CDON: variants seen among roughly 807,000 people sequenced by gnomAD.
CDON encodes the protein cell adhesion associated, oncogene regulated, also known as cell adhesion molecule-related/down-regulated by oncogenes.
CDON carries 73 observed loss-of-function variants against 120.9 expected under a neutral mutation model. The observed-to-expected ratio is 0.60, with a 90% CI of 0.50 to 0.73. The LOEUF is 0.73. Ranked by LOEUF, CDON falls within the 30% of genes least tolerant of loss-of-function variation. The pLI is 0.00. For synonymous variants in CDON, 566 were observed against 573.5 expected (o/e 0.99, Z 0.19); for missense variants, 1,470 against 1,587.3 (o/e 0.93, Z 1.26).
intron 1 of CDON, among the ~76,000 whole-genome samples, chr11:126,046,111 C>T (rs1162847358): frequency 1.3e-5 from 2 of 152,130 alleles, no homozygotes; most frequent in Non-Finnish European, 2.9e-5. Context: ...TAGCTGTTTC[C>T]TTGATCACAC....
intron 1 of CDON, among the ~76,000 whole-genome samples, chr11:126,045,305 C>A (rs1948377619): frequency 6.6e-6 from 1 of 152,206 alleles, no homozygotes; most frequent in African/African-American, 2.4e-5. Context: ...GGATTACAGG[C>A]GTGAGCCAGC....
rs1429327633 is a variant in CDON at position 126,005,901 on chromosome 11, T to A, written c.1709A>T (p.Asn570Ile). 2 of 1,613,860 alleles carry A rather than the reference T, an allele frequency of 1.2e-6. No homozygotes were observed. Among genetic ancestry groups the A allele is most frequent in the South Asian group, 2.2e-5 (2 of 91,056 alleles). ...PSAVESAPEK[N>I]ASGISVPDAP... The stretch of plus-strand genomic sequence containing the variant: ...ATCAGGAACAGAGATGCCGCTGGCG[T>A]TTTTCTCTGGTGCTGATTCCACTGC... Residue 570 changes from asparagine (N) to isoleucine (I), a missense_variant, in exon 9 of 20, where the codon AAC becomes ATC. By Grantham distance (149) the Asn-to-Ile change is moderately radical (BLOSUM62 -3). Transcript: ENST00000531738.
chr11:126,052,006 A>T (rs1044032684), intron 1 of CDON, among the ~76,000 whole-genome samples: 1 of 152,134 alleles, frequency 6.6e-6, no homozygotes, highest in African/African-American at 2.4e-5. Context: ...CATAACATCA[A>T]TTGTGTTTGC....
At position 126,040,243 on chromosome 11, in the gene CDON, T is replaced by C. The variant is rs1409469807; in HGVS notation, c.-61-16706A>G. On this transcript the variant is annotated intron_variant, in intron 1 of 19. Transcript: ENST00000531738. ...GTGAATCTAAAATTGCTCTAAAAAATAACTTTTTAAAAAATTTCTAGAGGA... is the reference window on the plus strand; with the variant it reads ...GTGAATCTAAAATTGCTCTAAAAAACAACTTTTTAAAAAATTTCTAGAGGA... 2.0e-5 allele frequency among the ~76,000 whole-genome samples: 3 copies of C among 152,296 alleles called. No homozygotes were observed. The East Asian group carries it at 5.8e-4, about 29-fold the overall frequency.
At chr11:126,020,181 T>C (rs1278166791) in intron 3 of CDON, among the ~76,000 whole-genome samples, 1 of 152,206 alleles carries the variant, frequency 6.6e-6, no homozygotes, top group Non-Finnish European at 1.5e-5. Flanking sequence ...AAACTGCTCC[T>C]AAGACATCTA....
chr11:126,048,000 G>A (rs1216208815), intron 1 of CDON, among the ~76,000 whole-genome samples: 5 of 152,258 alleles, frequency 3.3e-5, no homozygotes, highest in East Asian at 1.9e-4. Context: ...GTCTTCAGCC[G>A]TCGTGGTGGC....
chr11:125,981,346 A>G lies in CDON; in HGVS notation c.2996-17T>C. Reference sequence around the variant, plus strand: ...GGTCATATTCTGTTAAAAGAGAACAAAAAAGACACACACGCACACACACAC... The same window carrying G: ...GGTCATATTCTGTTAAAAGAGAACAGAAAAGACACACACGCACACACACAC... On this transcript the variant is annotated splice_polypyrimidine_tract_variant and intron_variant, in intron 16 of 19. Coordinates refer to ENST00000531738, the MANE Select transcript of CDON (RefSeq NM_001378964.1). The G allele has an allele frequency of 6.2e-7, 1 of 1,608,062 alleles. No individual in the cohort carries two copies. Among genetic ancestry groups the G allele is most frequent in the Non-Finnish European group, 8.5e-7 (1 of 1,179,704 alleles).
chr11:126,037,472 T>A (rs1014217011), intron 1 of CDON, among the ~76,000 whole-genome samples: 1 of 152,138 alleles, frequency 6.6e-6, no homozygotes, highest in African/African-American at 2.4e-5. Flanking sequence ...AAAGAGCAGT[T>A]TTTCATTCAT....
intron 17 of CDON, among the ~76,000 whole-genome samples, chr11:125,978,633 G>A (rs943613084): frequency 4.6e-5 from 7 of 152,078 alleles, no homozygotes; most frequent in East Asian, 1.9e-4. Flanking sequence ...GTTTTCCTAC[G>A]TATTTCTGTA....
intron 1 of CDON, among the ~76,000 whole-genome samples, chr11:126,048,149 C>T (rs1420309845): frequency 1.3e-5 from 2 of 151,902 alleles, no homozygotes; most frequent in African/African-American, 2.4e-5. Flanking sequence ...TGGTGGCACA[C>T]ACCTGTAGTC....
At chr11:126,028,039 A>G (rs1004087920) in intron 1 of CDON, among the ~76,000 whole-genome samples, 2 of 147,318 alleles carry the variant, frequency 1.4e-5, no homozygotes, top group Admixed American at 7.0e-5. Flanking sequence ...CTATGTTGTC[A>G]ACATAATGCC....
At chr11:126,056,558 T>C (rs1948683927) in intron 1 of CDON, among the ~76,000 whole-genome samples, 1 of 152,180 alleles carries the variant, frequency 6.6e-6, no homozygotes, top group African/African-American at 2.4e-5. Context: ...TTAATCAACA[T>C]TTCCAATAAC....
rs193002072 is a variant in CDON at position 125,988,804 on chromosome 11, A to T, written c.2773+833T>A. 6.9e-3 allele frequency among the ~76,000 whole-genome samples: 1,047 copies of T among 152,332 alleles called. 17 individuals carry two copies. Among genetic ancestry groups the T allele is most frequent in the African/African-American group, 0.024 (1,008 of 41,580 alleles). On this transcript the variant is annotated intron_variant, in intron 15 of 19. Coordinates refer to ENST00000531738, the MANE Select transcript of CDON (RefSeq NM_001378964.1). ...TTCAATTTAGAATCAGCAACTGCTA[A>T]TTCTAAACTTTACTACACTTAATTA...
At chr11:125,981,392 ACG>A in intron 16 of CDON, 63 bp from the exon 17 acceptor site, 4 of 1,516,210 alleles carry the variant, frequency 2.6e-6, no homozygotes, top group Non-Finnish European at 2.7e-6. Flanking sequence ...ACATGCACAT[ACG>A]CACACACGCA....
intron 1 of CDON, among the ~76,000 whole-genome samples, chr11:126,056,415 T>C (rs1045299412): frequency 1.3e-5 from 2 of 152,218 alleles, no homozygotes; most frequent in African/African-American, 4.8e-5. Flanking sequence ...ATCCTGCATA[T>C]GGCTGTATGT....
At chr11:126,013,523 A>T (rs11821242) in intron 7 of CDON, among the ~76,000 whole-genome samples, 3 of 151,514 alleles carry the variant, frequency 2.0e-5, no homozygotes, top group Non-Finnish European at 4.4e-5. Flanking sequence ...TTCAGTCAGC[A>T]TTGCTAAGTT....
At chr11:126,009,225 C>T (rs1479033858) in intron 8 of CDON, among the ~76,000 whole-genome samples, 2 of 152,222 alleles carry the variant, frequency 1.3e-5, no homozygotes, top group Middle Eastern at 3.2e-3. Flanking sequence ...ACTTCTCCTC[C>T]GCCTCCAGCT....
In CDON at chr11:125,974,084, T is replaced by C. The variant is rs1418777546; in HGVS notation, c.3356+4220A>G. Among the ~76,000 whole-genome samples, 3 of 151,884 alleles carry C rather than the reference T, an allele frequency of 2.0e-5. No homozygotes were observed. In the East Asian group the frequency reaches 5.8e-4, roughly 30 times the overall value. On this transcript the variant is annotated intron_variant, in intron 18 of 19. Coordinates refer to ENST00000531738, the MANE Select transcript of CDON (RefSeq NM_001378964.1). ...CTAATTTTTGTATTTTTAGTAGAGA[T>C]GGGGTTTCACCACATTGGCCAGGTT...
intron 16 of CDON, among the ~76,000 whole-genome samples, chr11:125,982,873 T>C (rs117786837): frequency 4.2e-4 from 64 of 152,146 alleles, no homozygotes; most frequent in Non-Finnish European, 7.8e-4. Flanking sequence ...TACTTCTCTT[T>C]TCATGATTCA....
Sources: gnomAD v4.1 joint callset for allele counts (sites outside exome capture counted in the v4.1 genomes callset) on GRCh38, gnomAD v4.1.1 for gene constraint, MANE v1.5 for transcripts, NCBI Gene and HGNC (gene_info 2026-07-23, HGNC 2026-07-21) for gene names.